Variants in ADAM10 observed in about 807,000 individuals in gnomAD.
ADAM10 encodes ADAM metallopeptidase domain 10, also known as disintegrin and metalloproteinase domain-containing protein 10.
Under a neutral mutation model 90.1 loss-of-function variants are expected in ADAM10, and 17 were observed. The observed-to-expected ratio is 0.19, with a 90% CI of 0.13 to 0.28. The LOEUF (loss-of-function observed/expected upper bound fraction) is 0.28, where lower values mean the gene tolerates loss of function less well. Ranked by LOEUF, ADAM10 falls within the 10% of genes least tolerant of loss-of-function variation. The pLI, the probability that ADAM10 is intolerant of heterozygous loss-of-function variation, is 1.00. For synonymous variants in ADAM10, 310 were observed against 298.6 expected, an observed-to-expected ratio of 1.04 and a Z score of -0.40; for missense variants, 610 against 914.3, an observed-to-expected ratio of 0.67 and a Z score of 4.29.
intron 11 of ADAM10, among the ~76,000 whole-genome samples, chr15:58,619,291 G>A (rs897986960): frequency 6.6e-6 from 1 of 152,210 alleles, no homozygotes; most frequent in African/African-American, 2.4e-5. Flanking sequence ...TGATCTCATA[G>A]AGGTTAGAGA....
At position 58,640,901 on chromosome 15, in the gene ADAM10, A is replaced by C; in HGVS notation, c.888T>G (p.Gly296=). 1 of 1,614,130 alleles carries C rather than the reference A, an allele frequency of 6.2e-7. No homozygotes were observed. Among genetic ancestry groups the C allele is most frequent in the Non-Finnish European group, 8.5e-7 (1 of 1,179,992 alleles). The part of the protein sequence containing the change: ...PTNPFRFPNI[G]VEKFLELNSE... Reference sequence around the variant, plus strand: ...AATTCAATTCCAGAAACTTCTCCACACCAATATTTGGGAAACGGAAAGGAT... The same window carrying C: ...AATTCAATTCCAGAAACTTCTCCACCCCAATATTTGGGAAACGGAAAGGAT... Residue 296 remains glycine (G), a synonymous_variant, in exon 8 of 16, where the codon GGT becomes GGG. Transcript: ENST00000260408.
intron 2 of ADAM10, among the ~76,000 whole-genome samples, chr15:58,699,485 A>G (rs965703043): frequency 2.0e-5 from 3 of 152,232 alleles, no homozygotes; most frequent in African/African-American, 7.2e-5. Context: ...CAGGCTGGGC[A>G]CAGTGGCTCA....
intron 2 of ADAM10, chr15:58,692,959 C>A: frequency 1.4e-6 from 1 of 734,644 alleles, no homozygotes. Flanking sequence ...GATGCATTCC[C>A]GAGGGTTGGG....
chr15:58,672,335 G>A (rs112280388), intron 4 of ADAM10: 261 of 157,166 alleles, frequency 1.7e-3, no homozygotes, highest in African/African-American at 5.3e-3. Context: ...AGAGGCAAAA[G>A]GTCATCATAT....
chr15:58,603,077 C>T (rs16940584), intron 14 of ADAM10, among the ~76,000 whole-genome samples: 7,623 of 152,234 alleles, frequency 0.05, 652 homozygotes, highest in African/African-American at 0.17. Flanking sequence ...CTAAAAGCCA[C>T]TTCTTGAGAC....
chr15:58,597,756 T>A lies in ADAM10; in HGVS notation c.2153-115A>T, dbSNP rs891900125. 5 of 1,071,380 alleles carry A rather than the reference T, an allele frequency of 4.7e-6. No homozygotes were observed. The East Asian group carries it at 7.9e-5, about 17-fold the overall frequency. 66.4% of individuals were successfully genotyped at this position (1,071,380 alleles called of 1,614,324 possible). A position where few individuals can be genotyped will look rare whatever the true frequency, so the allele number is the denominator to read the frequency against. The stretch of plus-strand genomic sequence containing the variant: ...TTTAGTTCAGTGCTGTCCAATAATA[T>A]GGGCCATCAATGTAATTTAAAATCT... On this transcript the variant is annotated intron_variant, in intron 15 of 15. Transcript: ENST00000260408.
intron 1 of ADAM10, among the ~76,000 whole-genome samples, chr15:58,743,693 C>A (rs1595674032): frequency 6.6e-6 from 1 of 152,150 alleles, no homozygotes; most frequent in East Asian, 1.9e-4. Flanking sequence ...CAACCTCCAC[C>A]TCCCGGGTTC....
Position 58,594,686 on chromosome 15 carries a change from G to C in ADAM10, c.*2861C>G, listed in dbSNP as rs924200145. 5 of 152,244 alleles carry C rather than the reference G, an allele frequency of 3.3e-5. No individual in the cohort carries two copies. The highest frequency in any genetic ancestry group is 2.1e-4 in the South Asian group (1 of 4,824). The allele number at this position is 152,244 out of a possible 1,614,324, so 9.4% of individuals were successfully genotyped here. ...ACCTGAATTTATAAAACTGGGGAGG[G>C]AGGGATGGAGGGAGAGAGGACGGAC... On this transcript the variant is annotated 3_prime_UTR_variant, in exon 16 of 16. Transcript: ENST00000260408.
intron 1 of ADAM10, among the ~76,000 whole-genome samples, chr15:58,724,792 G>C (rs149747411): frequency 6.6e-6 from 1 of 152,268 alleles, no homozygotes; most frequent in Admixed American, 6.5e-5. Context: ...GCTCACACAG[G>C]GCTGGAAAAT....
intron 10 of ADAM10, among the ~76,000 whole-genome samples, chr15:58,624,898 T>C (rs1304697913): frequency 1.3e-5 from 2 of 152,140 alleles, no homozygotes; most frequent in Non-Finnish European, 2.9e-5. Context: ...AAGAAAAAAT[T>C]TTCTTTCCTG....
At chr15:58,718,827 T>C (rs1389017836) in intron 1 of ADAM10, among the ~76,000 whole-genome samples, 1 of 152,288 alleles carries the variant, frequency 6.6e-6, no homozygotes, top group South Asian at 2.1e-4. Flanking sequence ...TGATATTCTG[T>C]CTGTGAACTC....
At chr15:58,694,018 T>C (rs1897903292) in intron 2 of ADAM10, among the ~76,000 whole-genome samples, 2 of 152,324 alleles carry the variant, frequency 1.3e-5, no homozygotes, top group Admixed American at 1.3e-4. Flanking sequence ...TAATATATTA[T>C]CACATACCCT....
intron 5 of ADAM10, 103 bp downstream of exon 5, chr15:58,664,994 T>C: frequency 2.2e-6 from 2 of 920,258 alleles, no homozygotes; most frequent in Non-Finnish European, 3.5e-6. Flanking sequence ...CCCACAGTGG[T>C]GTTAAGTCTT....
In ADAM10 at chr15:58,640,750, T is replaced by C. The variant is rs749925099; in HGVS notation, c.1012+27A>G. 7.5e-6 allele frequency: 12 copies of C among 1,606,004 alleles called. 1 individual carries two copies. The South Asian group carries it at 1.1e-4, about 15-fold the overall frequency. On this transcript the variant is annotated intron_variant, in intron 8 of 15. Transcript: ENST00000260408. ...CTCCCCTTTGTTTCAAGTAGTAAGT[T>C]AAGACATATTTAATATGATAAACTA...
At chr15:58,691,933 C>T in intron 2 of ADAM10, 2 of 392,716 alleles carry the variant, frequency 5.1e-6, no homozygotes, top group Non-Finnish European at 1.0e-5. Context: ...GCCTCAGCCT[C>T]CCAAAGTGCT....
At chr15:58,609,445 C>G (rs1393104715) in intron 14 of ADAM10, 1 of 151,924 alleles carries the variant, frequency 6.6e-6, no homozygotes, top group East Asian at 1.9e-4. Context: ...TAGAAGAGTA[C>G]AAAAAAGGCT....
rs67378373 is a variant in ADAM10, at chr15:58,647,248, A to ATTTTTTTTTTT, written c.586-1055_586-1045dup. Among the ~76,000 whole-genome samples, 428 of 59,564 alleles carry ATTTTTTTTTTT rather than the reference A, an allele frequency of 7.2e-3. 130 individuals carry two copies. The highest frequency in any genetic ancestry group is 0.018 in the Middle Eastern group (1 of 56). 39.1% of individuals were successfully genotyped at this position (59,564 alleles called of 152,430 possible). ...TGGCAGCAAAGAGTAGACACTAAGT[A>ATTTTTTTTTTT]TTTTTTTTTTTTTTTTTTTTTTTTT... On this transcript the variant is annotated intron_variant, in intron 5 of 15. Transcript: ENST00000260408.
intron 1 of ADAM10, among the ~76,000 whole-genome samples, chr15:58,733,588 A>G (rs1304809610): frequency 1.3e-5 from 2 of 152,280 alleles, no homozygotes; most frequent in East Asian, 3.9e-4. Context: ...CAAATAGTAT[A>G]CCTTTTTATA....
Position 58,643,912 on chromosome 15 carries a change from T to A in ADAM10, c.802A>T (p.Ile268Phe). ...QTTDFSGIRN[I>F]SFMVKRIRIN... is the part of the protein sequence containing the mutation. Reference sequence around the variant, plus strand: ...CTTATGCGTTTCACCATGAAACTGATGTTACGGATTCCGGAGAAGTCTGTG... The same window carrying A: ...CTTATGCGTTTCACCATGAAACTGAAGTTACGGATTCCGGAGAAGTCTGTG... Residue 268 changes from isoleucine (I) to phenylalanine (F), a missense_variant, in exon 7 of 16, where the codon ATC (isoleucine) becomes TTC (phenylalanine). Around this residue, in one of 4 missense-constraint regions of ADAM10, gnomAD observed 310 missense variants for 362.4 expected, o/e 0.86. Transcript: ENST00000260408. 6.2e-7 allele frequency: 1 copy of A among 1,613,224 alleles called. No individual in the cohort carries two copies. Among genetic ancestry groups the A allele is most frequent in the Non-Finnish European group, 8.5e-7 (1 of 1,179,226 alleles).
Sources: gnomAD v4.1 joint callset for allele counts (sites outside exome capture counted in the v4.1 genomes callset) on GRCh38, gnomAD v4.1.1 for gene constraint, gnomAD v4.1.1 regional missense constraint, MANE v1.5 for transcripts, NCBI Gene and HGNC (gene_info 2026-07-23, HGNC 2026-07-21) for gene names.